The following PACS1 variants were observed in gnomAD, a reference collection of about 807,000 sequenced individuals.
PACS1 encodes the protein phosphofurin acidic cluster sorting protein 1.
Under a neutral mutation model 115.0 loss-of-function variants are expected in PACS1, and 24 were observed. The observed-to-expected ratio is 0.21, with a 90% CI of 0.15 to 0.29. PACS1 has a LOEUF of 0.29. PACS1 is among the 10% of genes least tolerant of loss of function. The pLI is 1.00. For missense variants in PACS1, 838 were observed against 1,251.2 expected (o/e 0.67, Z 4.98); for synonymous variants, 453 against 504.5 (o/e 0.90, Z 1.37).
chr11:66,088,859 T>C (rs1857614195), intron 1 of PACS1, among the ~76,000 whole-genome samples: 1 of 152,236 alleles, frequency 6.6e-6, no homozygotes, highest in African/African-American at 2.4e-5. Flanking sequence ...ATCTTTAAAA[T>C]TGAATCTTTT....
chr11:66,156,332 A>G (rs1180426430), intron 1 of PACS1, among the ~76,000 whole-genome samples: 2 of 142,126 alleles, frequency 1.4e-5, no homozygotes, highest in Non-Finnish European at 3.1e-5. Flanking sequence ...GGCTCACTGC[A>G]ACTTCTGCCC....
chr11:66,129,287 C>G (rs1858648447), intron 1 of PACS1, among the ~76,000 whole-genome samples: 1 of 151,614 alleles, frequency 6.6e-6, no homozygotes, highest in Non-Finnish European at 1.5e-5. Flanking sequence ...CAACAATTAG[C>G]CAGGTGTGGT....
chr11:66,232,764 T>A (rs1456679283), intron 14 of PACS1, among the ~76,000 whole-genome samples, 196 bp from the exon 15 acceptor site: 1 of 151,918 alleles, frequency 6.6e-6, no homozygotes, highest in African/African-American at 2.4e-5. Context: ...TCTCTCACAC[T>A]CTGCGTGTCT....
chr11:66,194,902 GT>G (rs1431008167), intron 2 of PACS1, among the ~76,000 whole-genome samples: 1 of 152,108 alleles, frequency 6.6e-6, no homozygotes, highest in Non-Finnish European at 1.5e-5. Context: ...AAAGACGTTA[GT>G]CCCAAATACA....
chr11:66,096,714 GCTGGT>G, intron 1 of PACS1, among the ~76,000 whole-genome samples: 1 of 151,716 alleles, frequency 6.6e-6, no homozygotes, highest in African/African-American at 2.4e-5. Flanking sequence ...TGTTGGTCAG[GCTGGT>G]CTCAAACTCC....
At chr11:66,143,837 G>T (rs1047778611) in intron 1 of PACS1, among the ~76,000 whole-genome samples, 2 of 152,094 alleles carry the variant, frequency 1.3e-5, no homozygotes, top group Non-Finnish European at 2.9e-5. Context: ...ATGGGGTTTT[G>T]CTATGTTGGC....
At chr11:66,179,531 A>G (rs1418181095) in intron 1 of PACS1, among the ~76,000 whole-genome samples, 1 of 152,116 alleles carries the variant, frequency 6.6e-6, no homozygotes, top group Non-Finnish European at 1.5e-5. Context: ...TGCAGGGGGA[A>G]ACTTGTGTAA....
chr11:66,208,617 C>A (rs893496467), intron 2 of PACS1, among the ~76,000 whole-genome samples: 7 of 144,518 alleles, frequency 4.8e-5, no homozygotes, highest in South Asian at 2.1e-4. Flanking sequence ...AAGTTAAAGA[C>A]CAGCCTGGGC....
At position 66,210,305 on chromosome 11, in the gene PACS1, G is replaced by A. The variant is rs567073216; in HGVS notation, c.445-57G>A. 2.1e-5 allele frequency: 29 copies of A among 1,369,132 alleles called. No homozygotes were observed. In the East Asian group the frequency reaches 6.6e-4, roughly 31 times the overall value. The allele number at this position is 1,369,132 out of a possible 1,614,324, so 84.8% of individuals were successfully genotyped here. ...TCTGCCTCAGCCTCCCAAACTGCTG[G>A]GATTACTGGCACAAGCCACTGCACC... On this transcript the variant is annotated intron_variant, in intron 2 of 23. Coordinates refer to ENST00000320580, the MANE Select transcript of PACS1 (RefSeq NM_018026.4).
At chr11:66,118,769 C>CAAAAAAAAA (rs397945291) in intron 1 of PACS1, among the ~76,000 whole-genome samples, 36 of 83,578 alleles carry the variant, frequency 4.3e-4, no homozygotes, top group African/African-American at 1.1e-3. Flanking sequence ...CCCATGTCTA[C>CAAAAAAAAA]AAAAAAAAAA....
chr11:66,212,305 T>G (rs183533179), intron 4 of PACS1, among the ~76,000 whole-genome samples: 3,505 of 151,742 alleles, frequency 0.023, 154 homozygotes, highest in African/African-American at 0.081. Context: ...CTAATTTTTT[T>G]TTTTTTTTAG....
chr11:66,136,022 A>T (rs1379783954), intron 1 of PACS1, among the ~76,000 whole-genome samples: 2 of 152,146 alleles, frequency 1.3e-5, no homozygotes, highest in African/African-American at 4.8e-5. Flanking sequence ...CTTCTGAAAC[A>T]CTGTCCACCT....
intron 1 of PACS1, chr11:66,100,853 G>A (rs868450977): frequency 8.8e-6 from 4 of 456,118 alleles, no homozygotes; most frequent in South Asian, 1.5e-5. Context: ...GCCTTTCCAC[G>A]TGGCTGCTTG....
At chr11:66,223,128 T>C (rs1245612658) in intron 10 of PACS1, among the ~76,000 whole-genome samples, 2 of 152,084 alleles carry the variant, frequency 1.3e-5, no homozygotes, top group Non-Finnish European at 2.9e-5. Context: ...GTTTTGCTCT[T>C]ATCGCCCAGG....
intron 1 of PACS1, among the ~76,000 whole-genome samples, chr11:66,175,238 GTT>G (rs1441614836): frequency 6.6e-6 from 1 of 151,866 alleles, no homozygotes; most frequent in Admixed American, 6.6e-5. Context: ...GTTTTGTTTT[GTT>G]TTGTTTTAAG....
chr11:66,230,474 G>C (rs1309945658), intron 11 of PACS1, 74 bp from the exon 12 acceptor site: 4 of 977,784 alleles, frequency 4.1e-6, no homozygotes, highest in Non-Finnish European at 6.6e-6. Flanking sequence ...GATGGGGCCT[G>C]GCCAGTCCAA....
intron 1 of PACS1, among the ~76,000 whole-genome samples, chr11:66,190,981 T>C (rs1274554998): frequency 6.6e-6 from 1 of 152,206 alleles, no homozygotes; most frequent in Non-Finnish European, 1.5e-5. Context: ...CTACTGCTGC[T>C]GTGACGAGTG....
intron 7 of PACS1, chr11:66,218,286 A>T (rs950029597): frequency 2.0e-5 from 3 of 152,208 alleles, no homozygotes; most frequent in Admixed American, 6.5e-5. Flanking sequence ...AGTACATACA[A>T]CCACAGGCTA....
At chr11:66,080,421 TGG>T (rs1428630234) in intron 1 of PACS1, among the ~76,000 whole-genome samples, 1 of 151,684 alleles carries the variant, frequency 6.6e-6, no homozygotes, top group East Asian at 1.9e-4. Flanking sequence ...GAACTGAGTG[TGG>T]GGGGAAAGGC....
Sources: gnomAD v4.1 joint callset for allele counts (sites outside exome capture counted in the v4.1 genomes callset) on GRCh38, gnomAD v4.1.1 for gene constraint, MANE v1.5 for transcripts, NCBI Gene and HGNC (gene_info 2026-07-23, HGNC 2026-07-21) for gene names.